Variants in KHDRBS2 observed in about 807,000 individuals in gnomAD.
KHDRBS2 encodes KH domain-containing, RNA-binding, signal transduction-associated protein 2.
A neutral mutation model predicts 44.3 loss-of-function variants in KHDRBS2; 26 were observed. The ratio of observed to expected loss-of-function variants is 0.59; its 90% CI spans 0.43 to 0.81. KHDRBS2 has a LOEUF of 0.81. Among genes scored for constraint, KHDRBS2 ranks in the 40% least tolerant of loss-of-function variants. The pLI is 0.00. For missense variants in KHDRBS2, 476 were observed against 433.1 expected (o/e 1.10, Z -0.88); for synonymous variants, 194 against 151.1 (o/e 1.28, Z -2.08).
At chr6:61,569,269 C>T in the KHDRBS2 span, among the ~76,000 whole-genome samples, 9 of 152,254 alleles carry the variant, frequency 5.9e-5, no homozygotes, top group East Asian at 1.7e-3. Flanking sequence ...CCCAGACCCT[C>T]CTAATCTTGA....
At chr6:61,848,508 T>TATATATATATATATATATAC (rs1794832572) in intron 6 of KHDRBS2, among the ~76,000 whole-genome samples, 1 of 53,678 alleles carries the variant, frequency 1.9e-5, no homozygotes, top group African/African-American at 1.1e-4. Flanking sequence ...TATATATATA[T>TATATATATATATATATATAC]ATGTATATAT....
intron 4 of KHDRBS2, among the ~76,000 whole-genome samples, chr6:61,912,959 A>G (rs1021209149): frequency 3.8e-4 from 58 of 152,232 alleles, no homozygotes; most frequent in African/African-American, 1.4e-3. Flanking sequence ...ATCACTCTCA[A>G]TATGAGGTAC....
chr6:62,021,965 C>CACACACTATATATATT (rs1782416543), intron 3 of KHDRBS2, among the ~76,000 whole-genome samples: 3 of 5,112 alleles, frequency 5.9e-4, no homozygotes, highest in African/African-American at 9.7e-4. Flanking sequence ...ATACACTGTA[C>CACACACTATATATATT]ATATATACAC....
At chr6:61,817,152 A>G (rs1789092617) in intron 6 of KHDRBS2, 1 of 316,802 alleles carries the variant, frequency 3.2e-6, no homozygotes, top group African/African-American at 2.2e-5. Flanking sequence ...TGATGACTCA[A>G]TTCCAAAATG....
chr6:62,229,254 G>A (rs1274419352), intron 1 of KHDRBS2, among the ~76,000 whole-genome samples: 1 of 152,110 alleles, frequency 6.6e-6, no homozygotes, highest in African/African-American at 2.4e-5. Context: ...GGAGGGATGG[G>A]CCAAGGTCAG....
intron 4 of KHDRBS2, among the ~76,000 whole-genome samples, chr6:61,937,881 A>C (rs1409243210): frequency 6.6e-6 from 1 of 151,990 alleles, no homozygotes; most frequent in African/African-American, 2.4e-5. Flanking sequence ...ATTTCCTCTT[A>C]ATTTCTGGCA....
chr6:61,561,370 G>A, the KHDRBS2 span, among the ~76,000 whole-genome samples: 36 of 152,208 alleles, frequency 2.4e-4, no homozygotes, highest in Non-Finnish European at 4.7e-4. Context: ...CTACTACCTG[G>A]CTACTGCCTG....
the KHDRBS2 span, among the ~76,000 whole-genome samples, chr6:61,645,395 A>T: frequency 1.3e-5 from 2 of 152,032 alleles, no homozygotes; most frequent in African/African-American, 4.8e-5. Context: ...TTTAAAAAAA[A>T]TCTGTACAAC....
At chr6:62,083,629 C>G (rs1470092892) in intron 2 of KHDRBS2, among the ~76,000 whole-genome samples, 1 of 152,144 alleles carries the variant, frequency 6.6e-6, no homozygotes, top group Admixed American at 6.5e-5. Context: ...GCCAGTTGCT[C>G]AGAAGTGCTC....
intron 6 of KHDRBS2, among the ~76,000 whole-genome samples, chr6:61,880,418 GAAAC>G (rs2127316166): frequency 6.6e-6 from 1 of 151,960 alleles, no homozygotes; most frequent in Non-Finnish European, 1.5e-5. Flanking sequence ...AGTGACATAT[GAAAC>G]AATCATATTC....
At chr6:62,234,276 T>C (rs1382961158) in intron 1 of KHDRBS2, among the ~76,000 whole-genome samples, 1 of 152,152 alleles carries the variant, frequency 6.6e-6, no homozygotes, top group Non-Finnish European at 1.5e-5. Flanking sequence ...AGGGTGACTT[T>C]GGAAAAGTAA....
At chr6:61,600,928 T>A in the KHDRBS2 span, among the ~76,000 whole-genome samples, 4 of 152,182 alleles carry the variant, frequency 2.6e-5, no homozygotes, top group South Asian at 8.3e-4. Context: ...AGATGCGTTT[T>A]ATCTATGGAC....
intron 7 of KHDRBS2, among the ~76,000 whole-genome samples, chr6:61,722,262 C>T (rs1041708241): frequency 7.2e-5 from 11 of 151,954 alleles, no homozygotes; most frequent in Admixed American, 2.0e-4. Context: ...TGTCTCTGCC[C>T]GGCTTTGGTA....
chr6:61,607,842 C>T, the KHDRBS2 span, among the ~76,000 whole-genome samples: 1 of 152,124 alleles, frequency 6.6e-6, no homozygotes, highest in Non-Finnish European at 1.5e-5. Context: ...TGTGCACCAC[C>T]ACGCCTGGCT....
intron 6 of KHDRBS2, among the ~76,000 whole-genome samples, chr6:61,852,206 A>G (rs1215340652): frequency 6.6e-6 from 1 of 151,032 alleles, no homozygotes; most frequent in Non-Finnish European, 1.5e-5. Context: ...TGGGCAATGG[A>G]ACAAAACTCC....
chr6:61,789,782 G>A (rs1009303175), intron 6 of KHDRBS2, among the ~76,000 whole-genome samples: 3 of 151,420 alleles, frequency 2.0e-5, no homozygotes, highest in African/African-American at 7.3e-5. Context: ...TTTAATGGAT[G>A]CATGGCCACA....
intron 1 of KHDRBS2, among the ~76,000 whole-genome samples, chr6:62,199,814 A>C (rs552148425): frequency 1.5e-4 from 23 of 152,318 alleles, no homozygotes; most frequent in Admixed American, 1.2e-3. Context: ...TGGAGGCATC[A>C]CGCTACCTGA....
intron 1 of KHDRBS2, among the ~76,000 whole-genome samples, chr6:62,191,943 C>G (rs1301611664): frequency 1.3e-5 from 2 of 151,924 alleles, no homozygotes; most frequent in Non-Finnish European, 2.9e-5. Context: ...CCTTATTGAT[C>G]AGTGATTAGA....
chr6:61,555,632 T>A, the KHDRBS2 span, among the ~76,000 whole-genome samples: 1 of 152,236 alleles, frequency 6.6e-6, no homozygotes, highest in Admixed American at 6.5e-5. Flanking sequence ...TACATCTGTA[T>A]AGGCTGATGC....
Sources: gnomAD v4.1 joint callset for allele counts (sites outside exome capture counted in the v4.1 genomes callset) on GRCh38, gnomAD v4.1.1 for gene constraint, MANE v1.5 for transcripts, NCBI Gene and HGNC (gene_info 2026-07-23, HGNC 2026-07-21) for gene names.